NR1H2: variants seen among roughly 807,000 people sequenced by gnomAD.
NR1H2 encodes the protein oxysterols receptor LXR-beta.
Under a neutral mutation model 51.2 loss-of-function variants are expected in NR1H2, and 33 were observed. The observed-to-expected ratio is 0.64, with a 90% CI of 0.49 to 0.86. The LOEUF (loss-of-function observed/expected upper bound fraction) is 0.86, where lower values mean the gene tolerates loss of function less well. Ranked by LOEUF, NR1H2 falls within the 40% of genes least tolerant of loss-of-function variation. The pLI, the probability that NR1H2 is intolerant of heterozygous loss-of-function variation, is 0.00. For synonymous variants in NR1H2, 310 were observed against 264.3 expected (o/e 1.17, Z -1.68); for missense variants, 592 against 639.9 (o/e 0.93, Z 0.81).
Position 50,377,888 on chromosome 19 carries a change from A to C in NR1H2, c.181+18A>C. The C allele has an allele frequency of 6.5e-7, 1 of 1,530,588 alleles. No homozygotes were observed. The highest frequency in any genetic ancestry group is 2.2e-5 in the Admixed American group (1 of 45,304). 94.8% of individuals were successfully genotyped at this position (1,530,588 alleles called of 1,614,324 possible). On this transcript the variant is annotated intron_variant, in intron 4 of 9. Coordinates refer to ENST00000253727, the MANE Select transcript of NR1H2 (RefSeq NM_007121.7). ...AGACTGGGGTGAGACAGGGCCCTGG[A>C]GTTGATGTGGGGGCTTGGGGAGGGG...
chr19:50,377,991 A>G (rs911658907), intron 4 of NR1H2, 121 bp downstream of exon 4: 13 of 1,432,800 alleles, frequency 9.1e-6, no homozygotes, highest in African/African-American at 4.3e-5. Context: ...TCTCCTTAAC[A>G]TATACATCTT....
intron 2 of NR1H2, 167 bp from the exon 3 acceptor site, chr19:50,377,420 G>C: frequency 1.8e-6 from 1 of 567,290 alleles, no homozygotes; most frequent in Admixed American, 3.5e-5. Flanking sequence ...GGCAGGTCTT[G>C]TTAGAAGGAT....
chr19:50,379,491 T>C (rs530185956), intron 7 of NR1H2, among the ~76,000 whole-genome samples: 1 of 152,270 alleles, frequency 6.6e-6, no homozygotes, highest in East Asian at 1.9e-4. Context: ...AGTGTTGGCA[T>C]ATGGGGCAAA....
At chr19:50,379,723 G>A in intron 7 of NR1H2, 57 bp from the exon 8 acceptor site, 3 of 1,085,466 alleles carry the variant, frequency 2.8e-6, no homozygotes. Flanking sequence ...AGGAGGGGAG[G>A]GACTAGCAGC....
At position 50,377,818 on chromosome 19, in the gene NR1H2, C is replaced by T. The variant is rs768993286; in HGVS notation, c.129C>T (p.Asp43=). The T allele has an allele frequency of 5.0e-6, 8 of 1,608,520 alleles. No homozygotes were observed. The East Asian group carries it at 1.8e-4, about 36-fold the overall frequency. ...CGGAGCCGTGGCCCGGGGGTCCGGA[C>T]CCTGATGTCCCAGGCACTGATGAGG... ...EGPEPWPGGP[D]PDVPGTDEAS... is the part of the protein sequence containing the mutation. Residue 43 remains aspartate, a synonymous_variant, in exon 4 of 10, where the codon GAC becomes GAT. Transcript: ENST00000253727.
chr19:50,379,229 A>G (rs756999782), intron 7 of NR1H2, 48 bp downstream of exon 7: 2 of 1,549,050 alleles, frequency 1.3e-6, no homozygotes, highest in African/African-American at 2.7e-5. Context: ...GCTCCAGGAC[A>G]GATGCTGGGA....
intron 7 of NR1H2, among the ~76,000 whole-genome samples, 188 bp from the exon 8 acceptor site, chr19:50,379,592 G>T (rs1353369973): frequency 7.9e-5 from 12 of 152,176 alleles, no homozygotes; most frequent in African/African-American, 2.7e-4. Flanking sequence ...ATGTGCGGAA[G>T]CCTGAAGTGG....
At chr19:50,378,899 C>T (rs1294524050) in intron 6 of NR1H2, 103 bp downstream of exon 6, 1 of 1,552,742 alleles carries the variant, frequency 6.4e-7, no homozygotes, top group Non-Finnish European at 8.7e-7. Context: ...AGGGCAGGGG[C>T]TTTGGGAAGA....
At chr19:50,379,324 G>A (rs2037726843) in intron 7 of NR1H2, 143 bp downstream of exon 7, 2 of 987,986 alleles carry the variant, frequency 2.0e-6, no homozygotes, top group Non-Finnish European at 2.9e-6. Flanking sequence ...GGAGAGAAAG[G>A]AAAAAGGGTC....
At position 50,378,794 on chromosome 19, in the gene NR1H2, A is replaced by G; in HGVS notation, c.745A>G (p.Thr249Ala). The change falls in exon 6 of 10, where the codon ACG becomes GCG. Residue 249 changes from threonine to alanine, a missense_variant and splice_region_variant. Physicochemically the swap from Thr to Ala is moderately conservative, Grantham distance 58. This residue lies in a region of NR1H2 where 102 missense variants were observed against 152.4 expected (regional missense o/e 0.67). Transcript: ENST00000253727. ...KRSFSDQPKVTPWPLGADPQS... is the reference protein window; with the variant it reads ...KRSFSDQPKVAPWPLGADPQS... ...CTCCTTCTCCGACCAGCCCAAAGTC[A>G]CGGTACTGCCCCCTCCACAACCTTG... The G allele has an allele frequency of 6.2e-7, 1 of 1,612,934 alleles. No individual in the cohort carries two copies. Among genetic ancestry groups the G allele is most frequent in the Non-Finnish European group, 8.5e-7 (1 of 1,179,680 alleles).
rs567224614 is a variant in NR1H2 at position 50,382,916 on chromosome 19, C to G, written c.*314C>G. 1.5e-5 allele frequency: 3 copies of G among 203,472 alleles called. No individual in the cohort carries two copies. The highest frequency in any genetic ancestry group is 1.4e-4 in the African/African-American group (3 of 21,040). The allele number at this position is 203,472 out of a possible 1,614,324, so 12.6% of individuals were successfully genotyped here. On this transcript the variant is annotated 3_prime_UTR_variant, in exon 10 of 10. Coordinates refer to ENST00000253727, the MANE Select transcript of NR1H2 (RefSeq NM_007121.7). The stretch of plus-strand genomic sequence containing the variant: ...GGAGGGGAGGACCCATGGCTCTCCC[C>G]CCTAGCCCGGGAGACCAGGGCCTTC...
At chr19:50,378,960 C>T (rs771690467) in intron 6 of NR1H2, 42 bp from the exon 7 acceptor site, 3 of 1,567,232 alleles carry the variant, frequency 1.9e-6, no homozygotes, top group Non-Finnish European at 1.7e-6. Context: ...CAGACTTAGG[C>T]TCACAAAGAC....
intron 8 of NR1H2, among the ~76,000 whole-genome samples, chr19:50,380,201 T>G (rs556290842): frequency 6.6e-6 from 1 of 152,192 alleles, no homozygotes; most frequent in Non-Finnish European, 1.5e-5. Flanking sequence ...CTCTGTACAT[T>G]GGGTTGCAGT....
At chr19:50,377,534 C>G (rs747943459) in intron 2 of NR1H2, 53 bp from the exon 3 acceptor site, 1 of 1,451,930 alleles carries the variant, frequency 6.9e-7, no homozygotes, top group East Asian at 2.3e-5. Context: ...TGTAACTGAC[C>G]TAACCTAACC....
chr19:50,379,725 A>G (rs896011014), intron 7 of NR1H2, 55 bp from the exon 8 acceptor site: 7 of 1,102,328 alleles, frequency 6.4e-6, no homozygotes, highest in Non-Finnish European at 9.8e-6. Flanking sequence ...GAGGGGAGGG[A>G]CTAGCAGCTG....
rs2123658379 is a variant in NR1H2, at chr19:50,382,182, C to T, written c.1236+8C>T. 2.6e-6 allele frequency: 4 copies of T among 1,521,510 alleles called. No homozygotes were observed. Among genetic ancestry groups the T allele is most frequent in the Non-Finnish European group, 3.5e-6 (4 of 1,138,276 alleles). The allele number at this position is 1,521,510 out of a possible 1,614,324, so 94.3% of individuals were successfully genotyped here. A position where few individuals can be genotyped will look rare whatever the true frequency, so the allele number is the denominator to read the frequency against. ...CGCATCAAGAGGCCGCAGGTAGGGC[C>T]CCGCAGAGCCTCTGCGCAGAGCCAA... On this transcript the variant is annotated splice_region_variant and intron_variant, in intron 9 of 9. Coordinates refer to ENST00000253727, the MANE Select transcript of NR1H2 (RefSeq NM_007121.7).
At chr19:50,381,881 C>A in intron 8 of NR1H2, 85 bp from the exon 9 acceptor site, 1 of 1,202,976 alleles carries the variant, frequency 8.3e-7, no homozygotes. Flanking sequence ...GTTCCCAGCC[C>A]CAGAGACTGT....
intron 8 of NR1H2, among the ~76,000 whole-genome samples, chr19:50,381,297 C>A (rs939820815): frequency 6.6e-6 from 1 of 152,242 alleles, no homozygotes; most frequent in Non-Finnish European, 1.5e-5. Flanking sequence ...AATCCCTCAT[C>A]TCCTTCGGAT....
chr19:50,381,490 CAAATG>C (rs2037764980), intron 8 of NR1H2, among the ~76,000 whole-genome samples: 1 of 152,228 alleles, frequency 6.6e-6, no homozygotes, highest in Admixed American at 6.5e-5. Flanking sequence ...CCTAGGCTCT[CAAATG>C]TAAGTGCTGG....
Sources: gnomAD v4.1 joint callset for allele counts (sites outside exome capture counted in the v4.1 genomes callset) on GRCh38, gnomAD v4.1.1 for gene constraint, gnomAD v4.1.1 regional missense constraint, MANE v1.5 for transcripts, NCBI Gene and HGNC (gene_info 2026-07-23, HGNC 2026-07-21) for gene names.